SH2D6: variants seen among roughly 807,000 people sequenced by gnomAD.
The protein encoded by SH2D6 is SH2 domain-containing protein 6.
Under a neutral mutation model 30.2 loss-of-function variants are expected in SH2D6, and 31 were observed. The observed-to-expected ratio is 1.03, with a 90% confidence interval of 0.77 to 1.38. SH2D6 has a LOEUF of 1.38. Ranked by LOEUF, SH2D6 falls within the 40% of genes most tolerant of loss-of-function variation. The pLI is 0.00. For missense variants in SH2D6, 240 were observed against 266.8 expected, an observed-to-expected ratio of 0.90 and a Z score of 0.70; for synonymous variants, 93 against 104.6, an observed-to-expected ratio of 0.89 and a Z score of 0.68.
At chr2:85,431,004 C>T (rs918447698) in intron 12 of SH2D6, among the ~76,000 whole-genome samples, 1 of 132,266 alleles carries the variant, frequency 7.6e-6, no homozygotes, top group African/African-American at 2.6e-5. Flanking sequence ...TGGCATCCCA[C>T]CCCCACTGCT....
Position 85,435,100 on chromosome 2 carries a change from A to T in SH2D6, c.625A>T (p.Thr209Ser), listed in dbSNP as rs779094195. Residue 209 changes from threonine (T) to serine (S), a missense_variant, in exon 20 of 24, where the codon ACT (threonine) becomes TCT (serine). Coordinates refer to ENST00000469800, the MANE Select transcript of SH2D6 (RefSeq NM_001394463.1). The stretch of plus-strand genomic sequence containing the variant: ...ATCGTCTCTTCCCTCTGTAGCCCCC[A>T]CTGGGAGTGCCTCAGCTGCTGAGGT... ...RKSSLPSVAP[T>S]GSASAAEDSD... 3.6e-6 allele frequency: 5 copies of T among 1,377,902 alleles called. No homozygotes were observed. Among genetic ancestry groups the T allele is most frequent in the Middle Eastern group, 2.3e-4 (1 of 4,386 alleles). The allele number at this position is 1,377,902 out of a possible 1,614,324, so 85.4% of individuals were successfully genotyped here.
intron 6 of SH2D6, 56 bp from the exon 7 acceptor site, chr2:85,428,528 T>C (rs1307501182): frequency 6.6e-6 from 1 of 152,118 alleles, no homozygotes; most frequent in Admixed American, 6.5e-5. Flanking sequence ...CCTAATCTGA[T>C]AGTGTGGGTG....
intron 16 of SH2D6, 148 bp from the exon 17 acceptor site, chr2:85,433,885 C>A: frequency 1.3e-6 from 1 of 766,760 alleles, no homozygotes; most frequent in Non-Finnish European, 2.1e-6. Context: ...GCGGCCAGGA[C>A]AGCATCTGCC....
At chr2:85,421,583 C>G (rs1687752382) in intron 2 of SH2D6, 3 of 152,372 alleles carry the variant, frequency 2.0e-5, no homozygotes, top group Admixed American at 2.0e-4. Context: ...GGAATTTGGC[C>G]GTGAACCTAG....
chr2:85,434,631 A>AAAAAAAAAAAAAC, intron 19 of SH2D6, 134 bp downstream of exon 19: 1 of 1,368,824 alleles, frequency 7.3e-7, no homozygotes, highest in African/African-American at 1.5e-5. Context: ...AAAAAAAAAA[A>AAAAAAAAAAAAAC]AAAACTAGGT....
At chr2:85,425,690 A>T (rs1687984206) in intron 6 of SH2D6, among the ~76,000 whole-genome samples, 1 of 152,238 alleles carries the variant, frequency 6.6e-6, no homozygotes, top group Non-Finnish European at 1.5e-5. Flanking sequence ...GTTAGCCAGG[A>T]ATAATGTCCC....
chr2:85,433,786 T>C (rs1689055847), intron 16 of SH2D6, among the ~76,000 whole-genome samples, 155 bp downstream of exon 16: 1 of 152,148 alleles, frequency 6.6e-6, no homozygotes, highest in African/African-American at 2.4e-5. Flanking sequence ...GACATCACAC[T>C]CCTGCCTGTG....
intron 2 of SH2D6, among the ~76,000 whole-genome samples, chr2:85,420,607 G>A (rs1190437002): frequency 6.6e-6 from 1 of 152,264 alleles, no homozygotes; most frequent in East Asian, 1.9e-4. Flanking sequence ...TAAAGTCACA[G>A]AGCAGTGTTG....
chr2:85,419,387 G>A (rs1295901281), intron 2 of SH2D6, 143 bp downstream of exon 2: 1 of 152,266 alleles, frequency 6.6e-6, no homozygotes, highest in Admixed American at 6.5e-5. Flanking sequence ...AGCTTCTGAG[G>A]CGCTACAGAA....
At chr2:85,428,966 T>G (rs1313948173) in intron 7 of SH2D6, among the ~76,000 whole-genome samples, 1 of 152,200 alleles carries the variant, frequency 6.6e-6, no homozygotes, top group African/African-American at 2.4e-5. Context: ...AATACATCCA[T>G]CAAAAAATGA....
chr2:85,434,760 C>T, intron 19 of SH2D6: 1 of 1,450,968 alleles, frequency 6.9e-7, no homozygotes, highest in Non-Finnish European at 9.1e-7. Flanking sequence ...GAAGCTCTGA[C>T]TCCAGCTGAG....
At chr2:85,433,022 T>C in intron 14 of SH2D6, 77 bp from the exon 15 acceptor site, 1 of 984,300 alleles carries the variant, frequency 1.0e-6, no homozygotes, top group Non-Finnish European at 1.2e-6. Flanking sequence ...AGACTCTGCT[T>C]TTTCAGCCTC....
At chr2:85,433,946 C>A in intron 16 of SH2D6, 87 bp from the exon 17 acceptor site, 1 of 1,142,118 alleles carries the variant, frequency 8.8e-7, no homozygotes, top group Non-Finnish European at 1.3e-6. Flanking sequence ...AGCAGCAGGC[C>A]CTGCAGCTGT....
At position 85,434,365 on chromosome 2, in the gene SH2D6, C is replaced by T. The variant is rs747444907; in HGVS notation, c.559C>T (p.Arg187Trp). Residue 187 changes from arginine to tryptophan, a missense_variant, in exon 18 of 24, where the codon CGG (arginine) becomes TGG (tryptophan). Transcript: ENST00000469800. ...PRPTTAPQET[R>W]NGTADAASKE... is the part of the protein sequence containing the mutation. ...GCCTACCACAGCCCCCCAGGAAACT[C>T]GGAATGTAAGAGGCTGATGGTCAGG... is the stretch of plus-strand genomic sequence containing the variant. 44 of 1,549,278 alleles carry T rather than the reference C, an allele frequency of 2.8e-5. No homozygotes were observed. In the East Asian group the frequency reaches 7.3e-4, roughly 26 times the overall value.
Position 85,425,389 on chromosome 2 carries a change from C to T in SH2D6, c.-227C>T, listed in dbSNP as rs1687956845. 1 of 151,412 alleles carries T rather than the reference C, an allele frequency of 6.6e-6. No homozygotes were observed. The highest frequency in any genetic ancestry group is 6.6e-5 in the Admixed American group (1 of 15,130). 9.4% of individuals were successfully genotyped at this position (151,412 alleles called of 1,614,324 possible). ...GCTATTCTCCTGCCTCAACAACCTCCTGAGGGCTGGGATTACAGGTACTCG... is the reference window on the plus strand; with the variant it reads ...GCTATTCTCCTGCCTCAACAACCTCTTGAGGGCTGGGATTACAGGTACTCG... On this transcript the variant is annotated 5_prime_UTR_variant, in exon 6 of 24. Transcript: ENST00000469800.
In SH2D6 at chr2:85,435,551, T is replaced by C. The variant is rs7603717; in HGVS notation, c.732+55T>C. 3.2e-3 allele frequency: 5,100 copies of C among 1,599,632 alleles called. 143 individuals are homozygous for C. The African/African-American group carries it at 0.059, about 19-fold the overall frequency. ...CAAAACCCCTTTTGCTCACAGGCTGTGGCTGGCCGAGCAGTGGGGAGCAGG... is the reference window on the plus strand; with the variant it reads ...CAAAACCCCTTTTGCTCACAGGCTGCGGCTGGCCGAGCAGTGGGGAGCAGG... On this transcript the variant is annotated intron_variant, in intron 21 of 23. Coordinates refer to ENST00000469800, the MANE Select transcript of SH2D6 (RefSeq NM_001394463.1).
chr2:85,435,177 A>G (rs1247993565), intron 20 of SH2D6, 54 bp downstream of exon 20: 4 of 1,562,796 alleles, frequency 2.6e-6, no homozygotes, highest in African/African-American at 1.4e-5. Flanking sequence ...GCAGAGCCTG[A>G]GAGTCCTTAC....
At chr2:85,421,158 A>C (rs1460404035) in intron 2 of SH2D6, among the ~76,000 whole-genome samples, 2 of 152,186 alleles carry the variant, frequency 1.3e-5, no homozygotes, top group African/African-American at 4.8e-5. Context: ...GGGCCATGTT[A>C]CATTTGGTGG....
chr2:85,435,617 T>C lies in SH2D6; in HGVS notation c.733-49T>C. 5.1e-6 allele frequency: 8 copies of C among 1,578,542 alleles called. No individual in the cohort carries two copies. The East Asian group carries it at 6.7e-5, about 13-fold the overall frequency. ...CTGGCCCCATCATGGGTCAGGGCAG[T>C]GGGAGGGCCATTGGAAGATGAGGTT... On this transcript the variant is annotated intron_variant, in intron 21 of 23. Coordinates refer to ENST00000469800, the MANE Select transcript of SH2D6 (RefSeq NM_001394463.1).
Sources: allele counts gnomAD v4.1 joint callset (sites outside exome capture counted in the v4.1 genomes callset), GRCh38; gene constraint gnomAD v4.1.1; transcripts MANE v1.5; gene names NCBI Gene and HGNC (gene_info 2026-07-23, HGNC 2026-07-21).